Variants in CYP2C19 observed in about 807,000 individuals in gnomAD.
CYP2C19 encodes cytochrome P450 2C19.
CYP2C19 carries 59 observed loss-of-function variants against 40.9 expected under a neutral mutation model. The ratio of observed to expected loss-of-function variants is 1.44; its 90% CI spans 1.17 to 1.79. CYP2C19 has a LOEUF of 1.79. Ranked by LOEUF, CYP2C19 falls within the 40% of genes most tolerant of loss-of-function variation. CYP2C19 has a pLI of 0.00. For synonymous variants in CYP2C19, 253 were observed against 208.7 expected, an observed-to-expected ratio of 1.21 and a Z score of -1.83; for missense variants, 754 against 596.9, an observed-to-expected ratio of 1.26 and a Z score of -2.74.
At chr10:94,815,344 C>T (rs1173005908) in intron 5 of CYP2C19, among the ~76,000 whole-genome samples, 1 of 152,174 alleles carries the variant, frequency 6.6e-6, no homozygotes, top group Non-Finnish European at 1.5e-5. Context: ...CACTTGGAGA[C>T]TCTAAAAGCA....
At chr10:94,840,584 AC>A (rs1849477012) in intron 6 of CYP2C19, among the ~76,000 whole-genome samples, 1 of 152,198 alleles carries the variant, frequency 6.6e-6, no homozygotes, top group African/African-American at 2.4e-5. Flanking sequence ...TTTTGGGGCT[AC>A]ACTTTAAAGA....
chr10:94,791,838 T>A (rs538995068), intron 5 of CYP2C19, among the ~76,000 whole-genome samples: 2 of 152,292 alleles, frequency 1.3e-5, no homozygotes, highest in East Asian at 3.9e-4. Flanking sequence ...AGAATGTATA[T>A]TCTGTTGATT....
At chr10:94,836,995 A>G (rs1342427965) in intron 6 of CYP2C19, among the ~76,000 whole-genome samples, 1 of 152,148 alleles carries the variant, frequency 6.6e-6, no homozygotes, top group Non-Finnish European at 1.5e-5. Flanking sequence ...TTGGGTTTCA[A>G]AGATCTTCAA....
rs941351576 is a variant in CYP2C19, at chr10:94,825,176, A to G, written c.961+4539A>G. Among the ~76,000 whole-genome samples, 3 of 145,520 alleles carry G rather than the reference A, an allele frequency of 2.1e-5. No homozygotes were observed. In the Admixed American group the frequency reaches 2.1e-4, roughly 10 times the overall value. ...TAGTCCTTTGGGTATATACTCAGTA[A>G]TGGGATGGCTGGGTCAAATGGTATT... On this transcript the variant is annotated intron_variant, in intron 6 of 8. Coordinates refer to ENST00000371321, the MANE Select transcript of CYP2C19 (RefSeq NM_000769.4).
chr10:94,787,290 A>T (rs1039774579), intron 5 of CYP2C19, among the ~76,000 whole-genome samples: 4 of 152,068 alleles, frequency 2.6e-5, no homozygotes, highest in African/African-American at 9.7e-5. Context: ...GGCCATGTGT[A>T]TGTCTTCTTT....
At chr10:94,793,345 G>C (rs1399256132) in intron 5 of CYP2C19, among the ~76,000 whole-genome samples, 1 of 152,106 alleles carries the variant, frequency 6.6e-6, no homozygotes, top group South Asian at 2.1e-4. Context: ...ATCATCTGAA[G>C]CCTTCTTCTC....
At chr10:94,849,893 T>C (rs540528913) in intron 7 of CYP2C19, 24 bp from the exon 8 acceptor site, 73 of 1,613,384 alleles carry the variant, frequency 4.5e-5, no homozygotes, top group South Asian at 3.8e-4. Context: ...TACAGCTCAG[T>C]TCACCTATGT....
Position 94,775,229 on chromosome 10 carries a change from G to A in CYP2C19, c.331+9G>A. ...AGCTAACAGAGGATTTGGTAGGTGT[G>A]CAAGTGCCTGTTTCAGCATCTGTCT... On this transcript the variant is annotated intron_variant, in intron 2 of 8. Coordinates refer to ENST00000371321, the MANE Select transcript of CYP2C19 (RefSeq NM_000769.4). 1 of 1,614,058 alleles carries A rather than the reference G, an allele frequency of 6.2e-7. No homozygotes were observed. Among genetic ancestry groups the A allele is most frequent in the East Asian group, 2.2e-5 (1 of 44,872 alleles).
chr10:94,785,802 C>T (rs1459655121), intron 5 of CYP2C19, among the ~76,000 whole-genome samples: 1 of 152,122 alleles, frequency 6.6e-6, no homozygotes, highest in Non-Finnish European at 1.5e-5. Context: ...TGTGACTAGG[C>T]ATGTTCAAAA....
At chr10:94,797,172 A>T (rs1392772430) in intron 5 of CYP2C19, among the ~76,000 whole-genome samples, 11 of 151,958 alleles carry the variant, frequency 7.2e-5, no homozygotes, top group African/African-American at 2.7e-4. Flanking sequence ...TCCCATCAAT[A>T]CCTAATTTAT....
chr10:94,845,557 T>C (rs531839207), intron 7 of CYP2C19, among the ~76,000 whole-genome samples: 3 of 152,312 alleles, frequency 2.0e-5, no homozygotes, highest in Non-Finnish European at 2.9e-5. Flanking sequence ...CAGCACAAGA[T>C]TCCAAAGACT....
intron 3 of CYP2C19, among the ~76,000 whole-genome samples, chr10:94,777,797 C>G (rs1848428511): frequency 6.6e-6 from 1 of 151,908 alleles, no homozygotes; most frequent in Non-Finnish European, 1.5e-5. Context: ...CCAAAATTGA[C>G]AAATGGTAAA....
At chr10:94,823,340 A>G (rs993373371) in intron 6 of CYP2C19, among the ~76,000 whole-genome samples, 3 of 152,184 alleles carry the variant, frequency 2.0e-5, no homozygotes, top group African/African-American at 7.2e-5. Context: ...CCCCATACTC[A>G]GGGACAAAGG....
At chr10:94,815,602 C>T (rs1848990478) in intron 5 of CYP2C19, among the ~76,000 whole-genome samples, 1 of 152,144 alleles carries the variant, frequency 6.6e-6, no homozygotes, top group Non-Finnish European at 1.5e-5. Flanking sequence ...TCTTTTATTC[C>T]CTGTGGGCAA....
Position 94,835,645 on chromosome 10 carries a change from C to T in CYP2C19, c.962-7192C>T, listed in dbSNP as rs145025571. Among the ~76,000 whole-genome samples, 470 of 152,136 alleles carry T rather than the reference C, an allele frequency of 3.1e-3. 3 individuals carry two copies. The highest frequency in any genetic ancestry group is 0.011 in the African/African-American group (446 of 41,504). On this transcript the variant is annotated intron_variant, in intron 6 of 8. Coordinates refer to ENST00000371321, the MANE Select transcript of CYP2C19 (RefSeq NM_000769.4). ...ACTGCCACCTCTTTAGGTTTCTGTA[C>T]AGCCAATAATAATCTCCTAACGGCT...
intron 6 of CYP2C19, among the ~76,000 whole-genome samples, chr10:94,838,059 C>T (rs1247931882): frequency 6.6e-6 from 1 of 152,162 alleles, no homozygotes; most frequent in Non-Finnish European, 1.5e-5. Context: ...TTCCTCAATG[C>T]CTCCCTTAGT....
Position 94,764,629 on chromosome 10 carries a change from A to C in CYP2C19, c.168+1756A>C, listed in dbSNP as rs529085241. ...GGTGAAGAAGGGGTCCTGCAGTTGT[A>C]GTGTCCTCCGGAGGGGAACTCTTTA... On this transcript the variant is annotated intron_variant, in intron 1 of 8. Transcript: ENST00000371321. Among the ~76,000 whole-genome samples the C allele has an allele frequency of 3.1e-3, 470 of 152,164 alleles. 3 individuals carry two copies. Among genetic ancestry groups the C allele is most frequent in the African/African-American group, 0.011 (447 of 41,518 alleles).
At chr10:94,849,058 A>G (rs1175890969) in intron 7 of CYP2C19, among the ~76,000 whole-genome samples, 2 of 152,154 alleles carry the variant, frequency 1.3e-5, no homozygotes, top group East Asian at 1.9e-4. Flanking sequence ...TCCTAATTGA[A>G]TGCCCTTTAT....
rs141714185 is a variant in CYP2C19, at chr10:94,832,045, C to T, written c.962-10792C>T. 3.1e-3 allele frequency among the ~76,000 whole-genome samples: 474 copies of T among 152,214 alleles called. 3 individuals carry two copies. Among genetic ancestry groups the T allele is most frequent in the African/African-American group, 0.011 (450 of 41,530 alleles). On this transcript the variant is annotated intron_variant, in intron 6 of 8. Coordinates refer to ENST00000371321, the MANE Select transcript of CYP2C19 (RefSeq NM_000769.4). ...TATTTTCACAGTTTGAGGTCTCATA[C>T]TTAAGTTTTTAATCCATTTTGAGTT...
Sources: gnomAD v4.1 joint callset for allele counts (sites outside exome capture counted in the v4.1 genomes callset) on GRCh38, gnomAD v4.1.1 for gene constraint, MANE v1.5 for transcripts, NCBI Gene and HGNC (gene_info 2026-07-23, HGNC 2026-07-21) for gene names.